Variants in SRCIN1 observed in about 807,000 individuals in gnomAD.
The protein encoded by SRCIN1 is P130Cas-associated protein.
A neutral mutation model predicts 116.2 loss-of-function variants in SRCIN1; 50 were observed. That is an observed-to-expected ratio of 0.43 (90% CI 0.34 to 0.54). SRCIN1 has a LOEUF of 0.54. Ranked by LOEUF, SRCIN1 falls within the 20% of genes least tolerant of loss-of-function variation. The pLI is 0.02. For synonymous variants in SRCIN1, 736 were observed against 750.0 expected (o/e 0.98, Z 0.30); for missense variants, 1,446 against 1,672.0 (o/e 0.86, Z 2.36).
At chr17:38,559,997 T>C (rs2143168936) in intron 9 of SRCIN1, 57 bp downstream of exon 9, 2 of 1,441,104 alleles carry the variant, frequency 1.4e-6, no homozygotes, top group Middle Eastern at 3.4e-4. Context: ...CCCCACTTTA[T>C]AGATTAGAAA....
At chr17:38,534,258 A>G (rs1287332947) in intron 18 of SRCIN1, among the ~76,000 whole-genome samples, 3 of 152,170 alleles carry the variant, frequency 2.0e-5, no homozygotes, top group Non-Finnish European at 4.4e-5. Context: ...AGCTACGTGC[A>G]TTACCTCATC....
intron 1 of SRCIN1, among the ~76,000 whole-genome samples, chr17:38,587,802 A>G (rs1336979725): frequency 6.6e-6 from 1 of 152,112 alleles, no homozygotes; most frequent in African/African-American, 2.4e-5. Flanking sequence ...GATGCTCACC[A>G]CACAGAAATC....
At position 38,585,375 on chromosome 17, in the gene SRCIN1, T is replaced by C. The variant is rs1049536432; in HGVS notation, c.23-6584A>G. Among the ~76,000 whole-genome samples the C allele has an allele frequency of 6.6e-6, 1 of 152,188 alleles. No individual in the cohort carries two copies. The highest frequency in any genetic ancestry group is 2.4e-5 in the African/African-American group (1 of 41,448). ...AGCCCCGAGGCACTGCCACCTTCGA[T>C]TGTGCATGATGACTCCATCCTGCTG... On this transcript the variant is annotated intron_variant, in intron 1 of 18. Coordinates refer to ENST00000617146, the MANE Select transcript of SRCIN1 (RefSeq NM_025248.3). This position sits in a 1 kb window ranked among gnomAD's most constrained non-coding sequence, Gnocchi z 4.2.
intron 1 of SRCIN1, among the ~76,000 whole-genome samples, chr17:38,586,897 G>A (rs1239664464): frequency 6.6e-6 from 1 of 152,188 alleles, no homozygotes; most frequent in Non-Finnish European, 1.5e-5. Flanking sequence ...TAGGAGGAGC[G>A]GTGAGGCTGG....
intron 7 of SRCIN1, among the ~76,000 whole-genome samples, chr17:38,560,723 C>G (rs553982236): frequency 2.5e-4 from 38 of 152,270 alleles, no homozygotes; most frequent in African/African-American, 9.1e-4. Context: ...CCAGGGGCCC[C>G]GAGGAACGCC....
chr17:38,557,509 G>A (rs935637179), intron 11 of SRCIN1, among the ~76,000 whole-genome samples: 1 of 151,840 alleles, frequency 6.6e-6, no homozygotes, highest in African/African-American at 2.4e-5. Flanking sequence ...TATCACTGGC[G>A]AGGGAAAGCA....
chr17:38,575,086 TA>T (rs1365558281), intron 2 of SRCIN1: 3 of 398,420 alleles, frequency 7.5e-6, no homozygotes, highest in Non-Finnish European at 1.3e-5. Flanking sequence ...ACAGAGCTCA[TA>T]CTGCAGAGGG....
chr17:38,588,419 C>T (rs970312606), intron 1 of SRCIN1, among the ~76,000 whole-genome samples: 8 of 152,354 alleles, frequency 5.3e-5, no homozygotes, highest in South Asian at 4.1e-4. Context: ...GTGGCAGCTC[C>T]ACTGCTCACG....
At chr17:38,540,479 A>C (rs1904660874) in intron 18 of SRCIN1, among the ~76,000 whole-genome samples, 1 of 138,594 alleles carries the variant, frequency 7.2e-6, no homozygotes, top group Admixed American at 7.8e-5. Flanking sequence ...GCATTATGTG[A>C]GCTCAGGACC....
intron 18 of SRCIN1, among the ~76,000 whole-genome samples, chr17:38,536,051 C>G (rs184472256): frequency 1.3e-3 from 201 of 152,348 alleles, no homozygotes; most frequent in African/African-American, 4.5e-3. Context: ...AGTTGAGGTA[C>G]CCCTTCTCCC....
intron 1 of SRCIN1, among the ~76,000 whole-genome samples, chr17:38,597,358 G>C (rs1276356046): frequency 6.6e-6 from 1 of 152,200 alleles, no homozygotes; most frequent in Non-Finnish European, 1.5e-5. Context: ...GTGAGGATCT[G>C]GGTTTTCAAA....
intron 1 of SRCIN1, among the ~76,000 whole-genome samples, chr17:38,584,663 T>G (rs1908020204): frequency 6.6e-6 from 1 of 152,224 alleles, no homozygotes; most frequent in African/African-American, 2.4e-5. Context: ...TTCTTTTACA[T>G]GAGATCACTG....
At chr17:38,565,913 G>A (rs1906652774) in intron 3 of SRCIN1, among the ~76,000 whole-genome samples, 1 of 152,184 alleles carries the variant, frequency 6.6e-6, no homozygotes, top group South Asian at 2.1e-4. Flanking sequence ...TTGTGCTTGT[G>A]ACCGAGAGGC....
chr17:38,596,131 T>C (rs1908717464), intron 1 of SRCIN1, among the ~76,000 whole-genome samples: 1 of 152,058 alleles, frequency 6.6e-6, no homozygotes. Context: ...GCTGGAGCCC[T>C]GGGTGAGGGA....
chr17:38,595,988 G>C (rs1908710879), intron 1 of SRCIN1, among the ~76,000 whole-genome samples: 1 of 150,506 alleles, frequency 6.6e-6, no homozygotes, highest in African/African-American at 2.5e-5. Flanking sequence ...AGGCTGGGGA[G>C]GAGCATCTGA....
intron 17 of SRCIN1, among the ~76,000 whole-genome samples, chr17:38,546,014 G>A (rs758752459): frequency 6.6e-6 from 1 of 152,216 alleles, no homozygotes; most frequent in Non-Finnish European, 1.5e-5. Flanking sequence ...AAGGGGTGGG[G>A]CTTGCCCCCT....
intron 1 of SRCIN1, among the ~76,000 whole-genome samples, chr17:38,596,371 G>A (rs1908731446): frequency 6.6e-6 from 1 of 152,160 alleles, no homozygotes; most frequent in Non-Finnish European, 1.5e-5. Flanking sequence ...GTCATAGGAA[G>A]AGCAGGGACT....
intron 1 of SRCIN1, among the ~76,000 whole-genome samples, chr17:38,589,206 G>A (rs2075063): frequency 0.1 from 15,417 of 152,202 alleles, 1,448 homozygotes; most frequent in East Asian, 0.52. Context: ...GTGAGCCACC[G>A]TGCCCAGCCA....
In SRCIN1 at chr17:38,563,982, G is replaced by T. The variant is rs1180787123; in HGVS notation, c.541+136C>A. The T allele has an allele frequency of 4.0e-6, 4 of 996,290 alleles. No homozygotes were observed. Among genetic ancestry groups the T allele is most frequent in the African/African-American group, 1.6e-5 (1 of 62,378 alleles). The allele number at this position is 996,290 out of a possible 1,614,324, so 61.7% of individuals were successfully genotyped here. A position where few individuals can be genotyped will look rare whatever the true frequency, so the allele number is the denominator to read the frequency against. ...GAGATGGAGAGAGCTGGGGTTGCTT[G>T]GGGAGAAGGGGCTGTGGGAAAGAGA... On this transcript the variant is annotated intron_variant, in intron 4 of 18. Coordinates refer to ENST00000617146, the MANE Select transcript of SRCIN1 (RefSeq NM_025248.3). The surrounding 1 kb of genome is among the most constrained non-coding windows in gnomAD (Gnocchi z 5.8).
Sources: gnomAD v4.1 joint callset for allele counts (sites outside exome capture counted in the v4.1 genomes callset) on GRCh38, gnomAD v4.1.1 for gene constraint, Gnocchi (gnomAD v3.1) non-coding constraint, MANE v1.5 for transcripts, NCBI Gene and HGNC (gene_info 2026-07-23, HGNC 2026-07-21) for gene names.